The following NXPE2 variants were observed in gnomAD, a reference collection of about 807,000 sequenced individuals.
The protein encoded by NXPE2 is neurexophilin and PC-esterase domain family member 2.
Under a neutral mutation model 34.4 loss-of-function variants are expected in NXPE2, and 34 were observed. That is an observed-to-expected ratio of 0.99 (90% CI 0.75 to 1.31). The LOEUF (loss-of-function observed/expected upper bound fraction) is 1.31, where lower values mean the gene tolerates loss of function less well. Ranked by LOEUF, NXPE2 falls within the 40% of genes most tolerant of loss-of-function variation. The pLI is 0.00. For missense variants in NXPE2, 649 were observed against 672.5 expected (o/e 0.97, Z 0.39); for synonymous variants, 235 against 231.3 (o/e 1.02, Z -0.15).
the NXPE2 span, among the ~76,000 whole-genome samples, chr11:114,581,976 T>C: frequency 6.6e-6 from 1 of 152,236 alleles, no homozygotes; most frequent in African/African-American, 2.4e-5. Flanking sequence ...CCAGAAGGTA[T>C]GCAAGAGAAT....
At chr11:114,635,692 C>A in the NXPE2 span, among the ~76,000 whole-genome samples, 1 of 151,842 alleles carries the variant, frequency 6.6e-6, no homozygotes, top group Non-Finnish European at 1.5e-5. Context: ...TGAATTTTGT[C>A]AAAGGCCTTT....
the NXPE2 span, among the ~76,000 whole-genome samples, chr11:114,743,981 G>A: frequency 6.6e-6 from 1 of 150,390 alleles, no homozygotes; most frequent in Non-Finnish European, 1.5e-5. Context: ...CCAAAGCTAG[G>A]AAAAGGTGTG....
the NXPE2 span, among the ~76,000 whole-genome samples, chr11:114,641,713 A>G: frequency 6.6e-6 from 1 of 152,084 alleles, no homozygotes; most frequent in African/African-American, 2.4e-5. Context: ...ACAGAATAAA[A>G]CCTAACTCTT....
At chr11:114,799,291 CAAAAAAAAAAAA>C in the NXPE2 span, among the ~76,000 whole-genome samples, 492 of 94,334 alleles carry the variant, frequency 5.2e-3, 1 homozygote, top group Non-Finnish European at 7.6e-3. Flanking sequence ...GGCAATGAAG[CAAAAAAAAAAAA>C]AAAAAAAAAA....
the NXPE2 span, among the ~76,000 whole-genome samples, chr11:114,625,063 AT>A: frequency 7.0e-6 from 1 of 143,508 alleles, no homozygotes; most frequent in Non-Finnish European, 1.5e-5. Context: ...TGGATGATAA[AT>A]ATTGCCCCGT....
the NXPE2 span, among the ~76,000 whole-genome samples, chr11:114,612,092 G>C: frequency 1.3e-5 from 2 of 151,612 alleles, no homozygotes; most frequent in Non-Finnish European, 2.9e-5. Context: ...AATAAGTGTT[G>C]AGTCACGGGT....
the NXPE2 span, among the ~76,000 whole-genome samples, chr11:114,560,898 T>G: frequency 6.6e-6 from 1 of 152,352 alleles, no homozygotes; most frequent in South Asian, 2.1e-4. Flanking sequence ...CCAGATTGGC[T>G]TTTCTCTTAG....
At chr11:114,583,775 G>A in the NXPE2 span, 10 of 458,776 alleles carry the variant, frequency 2.2e-5, no homozygotes, top group East Asian at 1.1e-4. Context: ...GTATGTTGAC[G>A]TTGATATTCA....
the NXPE2 span, among the ~76,000 whole-genome samples, chr11:114,777,077 C>T: frequency 6.6e-6 from 1 of 152,264 alleles, no homozygotes; most frequent in African/African-American, 2.4e-5. Flanking sequence ...TGTTGGACAC[C>T]AACACTTTGT....
chr11:114,489,119 T>C, the NXPE2 span, among the ~76,000 whole-genome samples: 1 of 152,120 alleles, frequency 6.6e-6, no homozygotes, highest in Non-Finnish European at 1.5e-5. Context: ...AAGAAATGGA[T>C]AAATTCCTCG....
upstream of NXPE2, among the ~76,000 whole-genome samples, chr11:114,677,919 G>A (rs1252583365): frequency 2.0e-5 from 3 of 152,058 alleles, no homozygotes; most frequent in Non-Finnish European, 4.4e-5. Context: ...AGTGTCATGA[G>A]ACCTACATCC....
At chr11:114,668,515 A>G in the NXPE2 span, among the ~76,000 whole-genome samples, 2 of 152,130 alleles carry the variant, frequency 1.3e-5, no homozygotes, top group Non-Finnish European at 2.9e-5. Flanking sequence ...TTCTACAGGT[A>G]CACACAGAAG....
At chr11:114,519,626 A>C in the NXPE2 span, among the ~76,000 whole-genome samples, 1 of 152,054 alleles carries the variant, frequency 6.6e-6, no homozygotes, top group Non-Finnish European at 1.5e-5. Context: ...GGTGATTGGG[A>C]GTTTGACAGG....
the NXPE2 span, among the ~76,000 whole-genome samples, chr11:114,784,031 T>A: frequency 1.3e-5 from 2 of 152,196 alleles, no homozygotes; most frequent in Admixed American, 1.3e-4. Context: ...TTCTAATTGC[T>A]TTGTAAGCAT....
At chr11:114,807,834 C>T in the NXPE2 span, among the ~76,000 whole-genome samples, 47 of 152,190 alleles carry the variant, frequency 3.1e-4, no homozygotes, top group African/African-American at 9.2e-4. Flanking sequence ...AGCTCTGCAC[C>T]AAGCAGACCT....
At chr11:114,482,890 C>A in the NXPE2 span, among the ~76,000 whole-genome samples, 1 of 152,142 alleles carries the variant, frequency 6.6e-6, no homozygotes, top group Non-Finnish European at 1.5e-5. Flanking sequence ...TTTTTTTCAG[C>A]CAATTGTTAG....
chr11:114,568,624 A>G, the NXPE2 span, among the ~76,000 whole-genome samples: 4 of 152,130 alleles, frequency 2.6e-5, no homozygotes, highest in Non-Finnish European at 5.9e-5. Context: ...ATAAGGCCAC[A>G]TAAGATCTAG....
At chr11:114,545,141 G>T in the NXPE2 span, among the ~76,000 whole-genome samples, 2 of 152,132 alleles carry the variant, frequency 1.3e-5, no homozygotes, top group African/African-American at 4.8e-5. Context: ...CAGCTACTTT[G>T]AAAGACACTT....
At chr11:114,776,178 G>A in the NXPE2 span, among the ~76,000 whole-genome samples, 24 of 152,262 alleles carry the variant, frequency 1.6e-4, no homozygotes, top group Non-Finnish European at 5.9e-5. Flanking sequence ...AGCAGCCTCA[G>A]GGATTATGGG....
Sources: allele counts gnomAD v4.1 joint callset (sites outside exome capture counted in the v4.1 genomes callset), GRCh38; gene constraint gnomAD v4.1.1; transcripts MANE v1.5; gene names NCBI Gene and HGNC (gene_info 2026-07-23, HGNC 2026-07-21).